FOCAD: variants seen among roughly 807,000 people sequenced by gnomAD.
FOCAD encodes the protein focadhesin.
A neutral mutation model predicts 225.6 loss-of-function variants in FOCAD; 198 were observed. The observed-to-expected ratio is 0.88, with a 90% CI of 0.78 to 0.99. The LOEUF is 0.99. Ranked by LOEUF, FOCAD falls within the 50% of genes least tolerant of loss-of-function variation. The probability of loss-of-function intolerance (pLI) is 0.00; values close to 1 mark genes in which losing one functional copy is unlikely to be tolerated. For synonymous variants in FOCAD, 897 were observed against 755.0 expected, an observed-to-expected ratio of 1.19 and a Z score of -3.08; for missense variants, 2,713 against 2,123.6, an observed-to-expected ratio of 1.28 and a Z score of -5.46.
intron 11 of FOCAD, among the ~76,000 whole-genome samples, chr9:20,804,802 G>A (rs997368839): frequency 1.3e-5 from 2 of 151,586 alleles, no homozygotes; most frequent in African/African-American, 2.4e-5. Flanking sequence ...ACACCCTTCC[G>A]GGAAATCCTT....
intron 15 of FOCAD, among the ~76,000 whole-genome samples, chr9:20,825,531 T>A (rs1428824084): frequency 6.6e-6 from 1 of 152,122 alleles, no homozygotes; most frequent in Non-Finnish European, 1.5e-5. Context: ...AAAGACAGCC[T>A]AATTTGGTAA....
rs868138171 is a variant in FOCAD at position 20,867,130 on chromosome 9, C to G, written c.2190+118C>G. 35 of 602,556 alleles carry G rather than the reference C, an allele frequency of 5.8e-5. 1 individual carries two copies. In the Middle Eastern group the frequency reaches 4.2e-3, roughly 73 times the overall value. 37.3% of individuals were successfully genotyped at this position (602,556 alleles called of 1,614,324 possible). A position where few individuals can be genotyped will look rare whatever the true frequency, so the allele number is the denominator to read the frequency against. On this transcript the variant is annotated intron_variant, in intron 18 of 43. Coordinates refer to ENST00000338382, the MANE Select transcript of FOCAD (RefSeq NM_001375567.1). The stretch of plus-strand genomic sequence containing the variant: ...ATATACATAACCCTAGATCTGTTGT[C>G]CATGCAAGATACAAATTCATACCCA...
chr9:20,767,282 C>T (rs1168808554), intron 7 of FOCAD, among the ~76,000 whole-genome samples: 2 of 150,372 alleles, frequency 1.3e-5, no homozygotes, highest in African/African-American at 2.5e-5. Flanking sequence ...CCGCAATAAA[C>T]ATACGTGTGC....
intron 35 of FOCAD, among the ~76,000 whole-genome samples, chr9:20,969,986 T>TG (rs901455291): frequency 1.6e-5 from 1 of 63,082 alleles, no homozygotes; most frequent in African/African-American, 4.6e-5. Flanking sequence ...CATTTTTCGA[T>TG]GACAGTTTTT....
intron 5 of FOCAD, among the ~76,000 whole-genome samples, chr9:20,742,319 GT>G (rs1827694206): frequency 6.6e-6 from 1 of 152,194 alleles, no homozygotes; most frequent in Admixed American, 6.5e-5. Context: ...GTACAAAGTG[GT>G]GTGTCAGCTG....
At position 20,758,061 on chromosome 9, in the gene FOCAD, G is replaced by T. The variant is rs374648014; in HGVS notation, c.393-29G>T. The T allele has an allele frequency of 4.0e-6, 6 of 1,499,252 alleles. No individual in the cohort carries two copies. In the East Asian group the frequency reaches 9.2e-5, roughly 23 times the overall value. 92.9% of individuals were successfully genotyped at this position (1,499,252 alleles called of 1,614,324 possible). On this transcript the variant is annotated intron_variant, in intron 5 of 43. Coordinates refer to ENST00000338382, the MANE Select transcript of FOCAD (RefSeq NM_001375567.1). Reference sequence around the variant, plus strand: ...GAAAATGTGTAGTCCTGAATAACAGGTTCCCATGTGACTTTCTGTGTCTTT... The same window carrying T: ...GAAAATGTGTAGTCCTGAATAACAGTTTCCCATGTGACTTTCTGTGTCTTT...
Position 20,789,187 on chromosome 9 carries a change from A to G in FOCAD, c.1198-164A>G, listed in dbSNP as rs1042055198. ...AACTCTTTTCTCTTTGTGTAATCCT[A>G]TTACCTCAAATATGTGCAGAGAGGA... is the stretch of plus-strand genomic sequence containing the variant. On this transcript the variant is annotated intron_variant, in intron 10 of 43. Coordinates refer to ENST00000338382, the MANE Select transcript of FOCAD (RefSeq NM_001375567.1). 5 of 720,338 alleles carry G rather than the reference A, an allele frequency of 6.9e-6. No homozygotes were observed. In the African/African-American group the frequency reaches 7.1e-5, roughly 10 times the overall value. 44.6% of individuals were successfully genotyped at this position (720,338 alleles called of 1,614,324 possible).
chr9:20,940,282 C>A (rs1836514768), intron 28 of FOCAD, among the ~76,000 whole-genome samples: 1 of 145,380 alleles, frequency 6.9e-6, no homozygotes, highest in East Asian at 2.0e-4. Context: ...TGCAGTTCTC[C>A]CTTTTTTTTT....
At chr9:20,899,262 A>G (rs922241429) in intron 21 of FOCAD, among the ~76,000 whole-genome samples, 6 of 151,920 alleles carry the variant, frequency 3.9e-5, no homozygotes, top group African/African-American at 1.4e-4. Flanking sequence ...TTCTGGAGCT[A>G]AAACTCATAA....
chr9:20,856,945 A>G (rs1473733257), intron 15 of FOCAD, among the ~76,000 whole-genome samples: 5 of 151,928 alleles, frequency 3.3e-5, no homozygotes, highest in African/African-American at 4.8e-5. Flanking sequence ...CTATTGGTCT[A>G]TGTGTCTGTT....
intron 35 of FOCAD, among the ~76,000 whole-genome samples, chr9:20,968,428 A>ATTTTTTTTT (rs1839457556): frequency 2.9e-5 from 1 of 34,790 alleles, no homozygotes; most frequent in Non-Finnish European, 6.3e-5. Flanking sequence ...GTATTTTCTT[A>ATTTTTTTTT]TTCTTTTTTT....
intron 31 of FOCAD, 52 bp downstream of exon 31, chr9:20,948,445 C>A (rs760922064): frequency 6.3e-7 from 1 of 1,581,472 alleles, no homozygotes. Context: ...GGAAAAAGAA[C>A]TACTTTATTG....
chr9:20,671,681 G>C (rs1822067872), intron 2 of FOCAD, among the ~76,000 whole-genome samples: 1 of 152,210 alleles, frequency 6.6e-6, no homozygotes, highest in East Asian at 1.9e-4. Context: ...CTGTTTAACA[G>C]ATGCTGGGGC....
rs538185443 is a variant in FOCAD at position 20,776,158 on chromosome 9, A to C, written c.907-2523A>C. On this transcript the variant is annotated intron_variant, in intron 8 of 43. Transcript: ENST00000338382. ...GCTTGATCCCACAGAATCTTCTGAG[A>C]AGCCTTATGAAAGAAGGATCTGGAA... 1.0e-3 allele frequency among the ~76,000 whole-genome samples: 154 copies of C among 152,322 alleles called. 4 individuals are homozygous for C. In the South Asian group the frequency reaches 0.031, roughly 31 times the overall value.
chr9:20,874,686 AC>A lies in FOCAD; in HGVS notation c.2198del (p.Pro733GlnfsTer9), dbSNP rs752012240. ...TILHLPEKIR[P>X]EIPIPEELDD... ...CTTTTCGCTTATCATTTCAGATAAG[AC>A]CAGAAATTCCCATTCCTGAAGAGTT... On this transcript the variant is annotated frameshift_variant, in exon 19 of 44. Transcript: ENST00000338382. LOFTEE classifies it high-confidence loss of function. 3 of 1,613,326 alleles carry A rather than the reference AC, an allele frequency of 1.9e-6. No homozygotes were observed. The highest frequency in any genetic ancestry group is 1.7e-6 in the Non-Finnish European group (2 of 1,179,512).
chr9:20,992,985 G>C (rs1841797655), intron 42 of FOCAD, among the ~76,000 whole-genome samples: 2 of 151,820 alleles, frequency 1.3e-5, no homozygotes, highest in South Asian at 4.1e-4. Flanking sequence ...TCCTGTATCA[G>C]CTCTCAAGGT....
At chr9:20,968,313 T>G (rs1564217777) in intron 35 of FOCAD, among the ~76,000 whole-genome samples, 1 of 151,986 alleles carries the variant, frequency 6.6e-6, no homozygotes, top group Non-Finnish European at 1.5e-5. Context: ...CCATATTCAT[T>G]TCTGATTTTA....
intron 15 of FOCAD, among the ~76,000 whole-genome samples, chr9:20,859,794 A>G (rs1186358161): frequency 6.6e-6 from 1 of 150,684 alleles, no homozygotes; most frequent in African/African-American, 2.4e-5. Context: ...GATAACTGAT[A>G]GAAGCTAGAC....
chr9:20,728,323 A>C (rs1337679530), intron 4 of FOCAD, among the ~76,000 whole-genome samples: 1 of 152,210 alleles, frequency 6.6e-6, no homozygotes, highest in Non-Finnish European at 1.5e-5. Flanking sequence ...GTCTAAACAC[A>C]AAATTCATTT....
Sources: allele counts gnomAD v4.1 joint callset (sites outside exome capture counted in the v4.1 genomes callset), GRCh38; gene constraint gnomAD v4.1.1; transcripts MANE v1.5; gene names NCBI Gene and HGNC (gene_info 2026-07-23, HGNC 2026-07-21).